The following CUL3 variants were observed in gnomAD, a reference collection of about 807,000 sequenced individuals.
The protein encoded by CUL3 is cullin 3.
A neutral mutation model predicts 89.1 loss-of-function variants in CUL3; 19 were observed. The observed-to-expected ratio is 0.21, with a 90% confidence interval of 0.15 to 0.31. The LOEUF (loss-of-function observed/expected upper bound fraction) is 0.31, where lower values mean the gene tolerates loss of function less well. Ranked by LOEUF, CUL3 falls within the 10% of genes least tolerant of loss-of-function variation. The probability of loss-of-function intolerance (pLI) is 1.00; values close to 1 mark genes in which losing one functional copy is unlikely to be tolerated. For synonymous variants in CUL3, 351 were observed against 308.4 expected, an observed-to-expected ratio of 1.14 and a Z score of -1.45; for missense variants, 469 against 942.3, an observed-to-expected ratio of 0.50 and a Z score of 6.58.
intron 5 of CUL3, among the ~76,000 whole-genome samples, chr2:224,512,394 C>G (rs138864565): frequency 2.6e-5 from 4 of 152,174 alleles, no homozygotes; most frequent in Admixed American, 2.6e-4. Flanking sequence ...CTGTGCCCGG[C>G]CAACACTTTA....
chr2:224,503,608 A>C (rs1261247799), intron 9 of CUL3, 44 bp downstream of exon 9: 4 of 1,452,764 alleles, frequency 2.8e-6, no homozygotes, highest in Non-Finnish European at 3.7e-6. Flanking sequence ...AATCATAATA[A>C]ACCTCAGTTA....
At chr2:224,497,696 T>C in intron 12 of CUL3, 57 bp downstream of exon 12, 2 of 1,274,036 alleles carry the variant, frequency 1.6e-6, no homozygotes, top group South Asian at 2.4e-5. Context: ...AAATCACACA[T>C]CAGCTCTAAT....
intron 1 of CUL3, among the ~76,000 whole-genome samples, chr2:224,576,054 G>A (rs1695290054): frequency 1.3e-5 from 2 of 152,306 alleles, no homozygotes; most frequent in East Asian, 3.9e-4. Context: ...CAATGACTGA[G>A]GGAGCATGAG....
At chr2:224,567,076 G>T (rs1695059724) in intron 1 of CUL3, among the ~76,000 whole-genome samples, 1 of 152,042 alleles carries the variant, frequency 6.6e-6, no homozygotes, top group Non-Finnish European at 1.5e-5. Context: ...ACGTCGAATG[G>T]GTTCCATCGT....
chr2:224,569,611 C>T (rs1695132710), intron 1 of CUL3: 6 of 685,726 alleles, frequency 8.7e-6, no homozygotes, highest in Non-Finnish European at 1.1e-5. Context: ...TTTTCATTTA[C>T]ATTACTTCAG....
rs2106129386 is a variant in CUL3 at position 224,472,875 on chromosome 2, A to G, written c.*1370T>C. The stretch of plus-strand genomic sequence containing the variant: ...AATGTATCAACAGTACTGATAGTCA[A>G]CGAAGGGTCAATTTAAACTTATTAG... On this transcript the variant is annotated 3_prime_UTR_variant, in exon 16 of 16. Transcript: ENST00000264414. The G allele has an allele frequency of 4.7e-6, 1 of 212,878 alleles. No homozygotes were observed. The highest frequency in any genetic ancestry group is 2.3e-5 in the African/African-American group (1 of 44,426). 13.2% of individuals were successfully genotyped at this position (212,878 alleles called of 1,614,324 possible). A position where few individuals can be genotyped will look rare whatever the true frequency, so the allele number is the denominator to read the frequency against.
intron 2 of CUL3, among the ~76,000 whole-genome samples, chr2:224,541,083 A>G (rs1483146534): frequency 6.6e-6 from 1 of 152,240 alleles, no homozygotes; most frequent in Admixed American, 6.5e-5. Context: ...TACCAAAAGC[A>G]TAATTTATAA....
At chr2:224,522,088 A>G (rs1693288107) in intron 3 of CUL3, among the ~76,000 whole-genome samples, 1 of 149,880 alleles carries the variant, frequency 6.7e-6, no homozygotes, top group Admixed American at 6.6e-5. Flanking sequence ...AAAAAAAAAG[A>G]GGCAAATAAC....
intron 2 of CUL3, among the ~76,000 whole-genome samples, chr2:224,548,203 G>A (rs1156259534): frequency 2.6e-5 from 4 of 152,196 alleles, no homozygotes; most frequent in African/African-American, 7.2e-5. Flanking sequence ...ACTACAAAGC[G>A]TAGATCCAAG....
chr2:224,550,454 G>A (rs1226243064), intron 2 of CUL3, among the ~76,000 whole-genome samples: 1 of 152,108 alleles, frequency 6.6e-6, no homozygotes, highest in Non-Finnish European at 1.5e-5. Flanking sequence ...TGTTCAACCT[G>A]TACCATCTAT....
intron 3 of CUL3, among the ~76,000 whole-genome samples, chr2:224,531,676 G>A (rs1205765327): frequency 1.3e-5 from 2 of 152,068 alleles, no homozygotes; most frequent in Non-Finnish European, 2.9e-5. Flanking sequence ...GGGAGTACGT[G>A]GGTCAGGGAA....
intron 3 of CUL3, among the ~76,000 whole-genome samples, chr2:224,525,726 G>T (rs1297535783): frequency 6.6e-6 from 1 of 152,204 alleles, no homozygotes; most frequent in Non-Finnish European, 1.5e-5. Context: ...GTGTTGGGGA[G>T]ACTCAGCCAA....
At chr2:224,554,182 A>G (rs923103484) in intron 2 of CUL3, among the ~76,000 whole-genome samples, 11 of 152,272 alleles carry the variant, frequency 7.2e-5, no homozygotes, top group South Asian at 2.1e-4. Context: ...GACATAGCAC[A>G]CATTCAGGCC....
At chr2:224,511,626 G>T (rs1692829934) in intron 5 of CUL3, 44 bp from the exon 6 acceptor site, 2 of 1,164,706 alleles carry the variant, frequency 1.7e-6, no homozygotes, top group African/African-American at 1.6e-5. Flanking sequence ...TAGAAGAAAA[G>T]AGTGTTTTTG....
rs568021052 is a variant in CUL3 at position 224,485,552 on chromosome 2, C to T, written c.1843-3474G>A. 1.3e-5 allele frequency among the ~76,000 whole-genome samples: 2 copies of T among 152,304 alleles called. No homozygotes were observed. Among genetic ancestry groups the T allele is most frequent in the Non-Finnish European group, 2.9e-5 (2 of 68,004 alleles). On this transcript the variant is annotated intron_variant, in intron 13 of 15. Coordinates refer to ENST00000264414, the MANE Select transcript of CUL3 (RefSeq NM_003590.5). The surrounding 1 kb of genome is among the most constrained non-coding windows in gnomAD (Gnocchi z 4.1). ...GGCAAAGCTGCTGTGGCCAAACTGC[C>T]TCTCTAGATTCCTCTTGACTGGGCA...
chr2:224,481,441 T>C (rs1007121044), intron 14 of CUL3, among the ~76,000 whole-genome samples: 2 of 152,004 alleles, frequency 1.3e-5, no homozygotes, highest in African/African-American at 4.8e-5. Context: ...TGTTTTTAAA[T>C]TAAAGAGGAT....
At chr2:224,488,502 A>G (rs1222422011) in intron 13 of CUL3, among the ~76,000 whole-genome samples, 1 of 152,220 alleles carries the variant, frequency 6.6e-6, no homozygotes, top group Non-Finnish European at 1.5e-5. Flanking sequence ...ATGCAAATAA[A>G]CTAGAAAATC....
intron 1 of CUL3, chr2:224,569,849 G>A (rs1695141765): frequency 1.2e-5 from 12 of 999,414 alleles, no homozygotes; most frequent in Non-Finnish European, 1.4e-5. Flanking sequence ...GAACAGGGTG[G>A]GTGGGGGAAA....
chr2:224,529,327 G>C (rs188538842), intron 3 of CUL3, among the ~76,000 whole-genome samples: 4 of 151,998 alleles, frequency 2.6e-5, no homozygotes, highest in Non-Finnish European at 4.4e-5. Flanking sequence ...TTTAATAAAA[G>C]AATGAATCGG....
Sources: gnomAD v4.1 joint callset for allele counts (sites outside exome capture counted in the v4.1 genomes callset) on GRCh38, gnomAD v4.1.1 for gene constraint, Gnocchi (gnomAD v3.1) non-coding constraint, MANE v1.5 for transcripts, NCBI Gene and HGNC (gene_info 2026-07-23, HGNC 2026-07-21) for gene names.